PPP1R1C: variants seen among roughly 807,000 people sequenced by gnomAD.
PPP1R1C encodes protein phosphatase 1 regulatory subunit 1C.
PPP1R1C carries 15 observed loss-of-function variants against 17.4 expected under a neutral mutation model. The observed-to-expected ratio is 0.86, with a 90% CI of 0.58 to 1.33. The LOEUF is 1.33. PPP1R1C is among the 40% of genes most tolerant of loss of function. The pLI is 0.00. For synonymous variants in PPP1R1C, 35 were observed against 43.1 expected (o/e 0.81, Z 0.73); for missense variants, 143 against 130.0 (o/e 1.10, Z -0.48).
intron 2 of PPP1R1C, among the ~76,000 whole-genome samples, chr2:182,045,652 T>C (rs1687320886): frequency 6.6e-6 from 1 of 152,288 alleles, no homozygotes; most frequent in South Asian, 2.1e-4. Flanking sequence ...CTTTATTTTA[T>C]GTTATTTTTA....
chr2:181,957,283 G>A lies in PPP1R1C; in HGVS notation n.111+2649G>A, dbSNP rs1684685877. ...GCTGAGGCAGAATTGCTTGAACCCGGGAGGTGGAGGTTGTGGTAAGCCGAG... is the reference window on the plus strand; with the variant it reads ...GCTGAGGCAGAATTGCTTGAACCCGAGAGGTGGAGGTTGTGGTAAGCCGAG... On this transcript the variant is annotated intron_variant and non_coding_transcript_variant, in intron 1 of 5. Coordinates refer to the PPP1R1C transcript ENST00000464264. The surrounding 1 kb of genome is among the most constrained non-coding windows in gnomAD (Gnocchi z 4.2). Among the ~76,000 whole-genome samples the A allele has an allele frequency of 6.6e-6, 1 of 152,134 alleles. No homozygotes were observed. The highest frequency in any genetic ancestry group is 1.5e-5 in the Non-Finnish European group (1 of 68,024).
chr2:182,106,478 C>A (rs982940418), intron 4 of PPP1R1C, among the ~76,000 whole-genome samples: 2 of 152,176 alleles, frequency 1.3e-5, no homozygotes, highest in Non-Finnish European at 2.9e-5. Flanking sequence ...CGGACGAGAG[C>A]CCAGCCACTG....
intron 2 of PPP1R1C, among the ~76,000 whole-genome samples, chr2:182,018,970 AAATT>A (rs1686338285): frequency 6.6e-6 from 1 of 152,170 alleles, no homozygotes; most frequent in Non-Finnish European, 1.5e-5. Flanking sequence ...TTTGTGGTGA[AAATT>A]AAGTTAGTCA....
chr2:182,072,402 C>G (rs150186841), intron 4 of PPP1R1C, among the ~76,000 whole-genome samples: 1 of 152,196 alleles, frequency 6.6e-6, no homozygotes, highest in Non-Finnish European at 1.5e-5. Flanking sequence ...TAATACCTTA[C>G]AGTTGTGTAG....
At chr2:181,991,114 C>CTT (rs34332425) in intron 2 of PPP1R1C, among the ~76,000 whole-genome samples, 36,132 of 150,010 alleles carry the variant, frequency 0.24, 4,508 homozygotes, top group East Asian at 0.5. Flanking sequence ...ACATAGCTTG[C>CTT]TTTTTTTTTT....
intron 4 of PPP1R1C, among the ~76,000 whole-genome samples, chr2:182,080,519 A>G (rs1574435434): frequency 6.6e-6 from 1 of 152,344 alleles, no homozygotes; most frequent in East Asian, 1.9e-4. Context: ...TCACCCAGAT[A>G]AAAAGCAGAG....
intron 2 of PPP1R1C, among the ~76,000 whole-genome samples, chr2:182,035,879 C>T (rs1179511522): frequency 6.6e-6 from 1 of 152,132 alleles, no homozygotes; most frequent in Non-Finnish European, 1.5e-5. Flanking sequence ...GCTACCAATT[C>T]TAAATATCCC....
intron 2 of PPP1R1C, among the ~76,000 whole-genome samples, chr2:182,031,575 G>A (rs1481389249): frequency 6.6e-6 from 1 of 152,094 alleles, no homozygotes; most frequent in Non-Finnish European, 1.5e-5. Context: ...TATGTTAAAG[G>A]AGAAATCAAA....
intron 5 of PPP1R1C, among the ~76,000 whole-genome samples, chr2:182,123,017 T>C (rs1318842181): frequency 6.6e-6 from 1 of 152,118 alleles, no homozygotes; most frequent in African/African-American, 2.4e-5. Flanking sequence ...CCCCCCGCCT[T>C]GACAGGCCCC....
At chr2:182,107,504 G>A (rs910201874) in intron 4 of PPP1R1C, among the ~76,000 whole-genome samples, 3 of 152,094 alleles carry the variant, frequency 2.0e-5, no homozygotes, top group African/African-American at 7.2e-5. Context: ...TTGTAGAGAC[G>A]GAACGAAAAA....
intron 4 of PPP1R1C, among the ~76,000 whole-genome samples, chr2:182,075,474 G>A (rs1350343254): frequency 6.6e-6 from 1 of 152,158 alleles, no homozygotes; most frequent in African/African-American, 2.4e-5. Flanking sequence ...GACCATGGCA[G>A]TCTAAGAACC....
chr2:182,112,709 A>T (rs536871178), intron 4 of PPP1R1C, among the ~76,000 whole-genome samples: 1 of 152,290 alleles, frequency 6.6e-6, no homozygotes, highest in East Asian at 1.9e-4. Flanking sequence ...TGCAGATCAG[A>T]GACCCCACTG....
rs896831350 is a variant in PPP1R1C at position 182,061,437 on chromosome 2, T to C, written c.143-5T>C. ...CCTAATACATTCTACCTACTTCTCT[T>C]ACAGAAATAGATGACAAGAGGGGGC... On this transcript the variant is annotated splice_region_variant and splice_polypyrimidine_tract_variant and intron_variant, in intron 2 of 4. Coordinates refer to ENST00000682840, the MANE Select transcript of PPP1R1C (RefSeq NM_001080545.3). The C allele has an allele frequency of 1.4e-6, 2 of 1,465,272 alleles. No individual in the cohort carries two copies. The highest frequency in any genetic ancestry group is 1.5e-5 in the African/African-American group (1 of 67,632). The allele number at this position is 1,465,272 out of a possible 1,614,324, so 90.8% of individuals were successfully genotyped here. A position where few individuals can be genotyped will look rare whatever the true frequency, so the allele number is the denominator to read the frequency against.
rs186385415 is a variant in PPP1R1C, at chr2:182,002,949, G to T, written c.142+15050G>T. On this transcript the variant is annotated intron_variant, in intron 2 of 4. Coordinates refer to ENST00000682840, the MANE Select transcript of PPP1R1C (RefSeq NM_001080545.3). ...TAAACCTCCCCCCCCCCACAACCCT[G>T]AAATCCCCCAGAACTGTCATCAACT... 1.8e-3 allele frequency among the ~76,000 whole-genome samples: 123 copies of T among 69,654 alleles called. 1 individual carries two copies. The highest frequency in any genetic ancestry group is 6.2e-3 in the African/African-American group (123 of 19,804). 45.7% of individuals were successfully genotyped at this position (69,654 alleles called of 152,430 possible).
At chr2:182,023,475 T>G (rs1388980447) in intron 2 of PPP1R1C, among the ~76,000 whole-genome samples, 1 of 152,088 alleles carries the variant, frequency 6.6e-6, no homozygotes, top group East Asian at 1.9e-4. Flanking sequence ...GTGTCACCCT[T>G]GGCAACTGCC....
At chr2:182,017,023 A>G (rs1376986205) in intron 2 of PPP1R1C, among the ~76,000 whole-genome samples, 2 of 152,198 alleles carry the variant, frequency 1.3e-5, no homozygotes, top group East Asian at 3.8e-4. Context: ...TCATGACAGT[A>G]TATAGTTTAC....
At position 181,962,780 on chromosome 2, in the gene PPP1R1C, T is replaced by C. The variant is rs752284267; in HGVS notation, n.111+8146T>C. 7.9e-5 allele frequency among the ~76,000 whole-genome samples: 12 copies of C among 152,204 alleles called. No individual in the cohort carries two copies. The highest frequency in any genetic ancestry group is 1.6e-4 in the Non-Finnish European group (11 of 68,026). On this transcript the variant is annotated intron_variant and non_coding_transcript_variant, in intron 1 of 5. Transcript: ENST00000464264. The surrounding 1 kb of genome is among the most constrained non-coding windows in gnomAD (Gnocchi z 6.0). Reference sequence around the variant, plus strand: ...TAGGAGAGTCCCTTTTGTATGAGACTGTGGCTGGAGATAAAGGAAAGCGGA... The same window carrying C: ...TAGGAGAGTCCCTTTTGTATGAGACCGTGGCTGGAGATAAAGGAAAGCGGA...
At chr2:181,992,782 T>C (rs1395852643) in intron 2 of PPP1R1C, among the ~76,000 whole-genome samples, 2 of 137,892 alleles carry the variant, frequency 1.5e-5, no homozygotes, top group Non-Finnish European at 3.2e-5. Flanking sequence ...TCAAATATCC[T>C]TTGAAATCAA....
At chr2:182,055,163 TG>T (rs1687643987) in intron 2 of PPP1R1C, among the ~76,000 whole-genome samples, 1 of 152,218 alleles carries the variant, frequency 6.6e-6, no homozygotes, top group African/African-American at 2.4e-5. Flanking sequence ...TGTATCTCTT[TG>T]TATGGATTTT....
Sources: allele counts gnomAD v4.1 joint callset (sites outside exome capture counted in the v4.1 genomes callset), GRCh38; gene constraint gnomAD v4.1.1; non-coding constraint Gnocchi (gnomAD v3.1); transcripts MANE v1.5; gene names NCBI Gene and HGNC (gene_info 2026-07-23, HGNC 2026-07-21).